Variants in ENOX1 observed in about 807,000 individuals in gnomAD.
The protein encoded by ENOX1 is candidate growth-related and time keeping constitutive hydroquinone (NADH) oxidase.
A neutral mutation model predicts 82.5 loss-of-function variants in ENOX1; 42 were observed. The ratio of observed to expected loss-of-function variants is 0.51; its 90% confidence interval spans 0.40 to 0.66. ENOX1 has a LOEUF of 0.66. Among genes scored for constraint, ENOX1 ranks in the 30% least tolerant of loss-of-function variants. ENOX1 has a pLI of 0.00. For synonymous variants in ENOX1, 271 were observed against 282.2 expected (o/e 0.96, Z 0.40); for missense variants, 608 against 811.6 (o/e 0.75, Z 3.05).
intron 2 of ENOX1, among the ~76,000 whole-genome samples, chr13:43,582,331 A>C (rs2080782694): frequency 6.6e-6 from 1 of 152,164 alleles, no homozygotes; most frequent in Non-Finnish European, 1.5e-5. Flanking sequence ...GAAATAATAA[A>C]AACTAAATTA....
chr13:43,480,149 G>A (rs1453902617), intron 3 of ENOX1, among the ~76,000 whole-genome samples: 1 of 152,056 alleles, frequency 6.6e-6, no homozygotes, highest in East Asian at 1.9e-4. Flanking sequence ...ATGTTGGCCA[G>A]GCTGGCCTTG....
chr13:43,354,793 CT>C (rs1247649470), intron 8 of ENOX1, among the ~76,000 whole-genome samples: 1 of 152,216 alleles, frequency 6.6e-6, no homozygotes, highest in Admixed American at 6.5e-5. Context: ...TTCCTTTCTG[CT>C]TCTGTGGGTT....
intron 1 of ENOX1, among the ~76,000 whole-genome samples, chr13:43,670,284 T>C (rs778922937): frequency 6.6e-6 from 1 of 152,200 alleles, no homozygotes; most frequent in Non-Finnish European, 1.5e-5. Flanking sequence ...CAGAGTAGGC[T>C]GTGATATGGC....
rs563499317 is a variant in ENOX1, at chr13:43,427,658, A to G, written c.-74-14670T>C. ...ATGTAGCACTGTGCTTGATACCAAG[A>G]ACGTAATAGTGAACAAGACATAGAC... On this transcript the variant is annotated intron_variant, in intron 3 of 16. Coordinates refer to ENST00000690772, the MANE Select transcript of ENOX1 (RefSeq NM_001347969.2). Among the ~76,000 whole-genome samples, 10 of 152,328 alleles carry G rather than the reference A, an allele frequency of 6.6e-5. No individual in the cohort carries two copies. In the East Asian group the frequency reaches 1.7e-3, roughly 26 times the overall value.
intron 2 of ENOX1, among the ~76,000 whole-genome samples, chr13:43,619,449 T>C (rs988833108): frequency 2.0e-5 from 3 of 152,180 alleles, no homozygotes; most frequent in Admixed American, 2.0e-4. Context: ...CTGAGAATTC[T>C]AATCATAAAG....
At chr13:43,714,467 T>C (rs1378316033) in intron 1 of ENOX1, among the ~76,000 whole-genome samples, 2 of 152,078 alleles carry the variant, frequency 1.3e-5, no homozygotes, top group African/African-American at 2.4e-5. Flanking sequence ...CCTGGGTATC[T>C]TTGTTAACTT....
intron 1 of ENOX1, among the ~76,000 whole-genome samples, chr13:43,710,107 T>C (rs915796496): frequency 6.6e-6 from 1 of 151,942 alleles, no homozygotes; most frequent in African/African-American, 2.4e-5. Context: ...AATATAAACA[T>C]AGTCAATCAC....
intron 2 of ENOX1, among the ~76,000 whole-genome samples, chr13:43,550,108 T>C (rs1048747954): frequency 1.3e-5 from 2 of 152,180 alleles, no homozygotes; most frequent in African/African-American, 4.8e-5. Flanking sequence ...GAGAATCTAA[T>C]GCCTTCGGTG....
At chr13:43,549,451 C>CA (rs1231715860) in intron 2 of ENOX1, among the ~76,000 whole-genome samples, 2 of 152,046 alleles carry the variant, frequency 1.3e-5, no homozygotes, top group Admixed American at 6.5e-5. Context: ...CTCTATTCAA[C>CA]AAAAAAACGA....
At chr13:43,502,241 A>G (rs1268082848) in intron 2 of ENOX1, among the ~76,000 whole-genome samples, 1 of 151,654 alleles carries the variant, frequency 6.6e-6, no homozygotes. Context: ...AAAACCACCT[A>G]CTAAGTAAAA....
chr13:43,499,180 C>G (rs1178463908), intron 2 of ENOX1, among the ~76,000 whole-genome samples: 1 of 151,528 alleles, frequency 6.6e-6, no homozygotes, highest in Non-Finnish European at 1.5e-5. Context: ...TCAAGGAAAA[C>G]CTAAAACTGT....
intron 11 of ENOX1, among the ~76,000 whole-genome samples, chr13:43,313,615 C>T (rs2047329697): frequency 6.6e-6 from 1 of 152,068 alleles, no homozygotes; most frequent in South Asian, 2.1e-4. Context: ...TGTAATTACA[C>T]CATCTGGTGA....
intron 3 of ENOX1, among the ~76,000 whole-genome samples, chr13:43,449,331 C>T (rs933544566): frequency 2.0e-5 from 3 of 152,160 alleles, no homozygotes; most frequent in Admixed American, 6.5e-5. Flanking sequence ...TTTCAGGGGA[C>T]ATTGTGATTT....
At chr13:43,499,291 G>A (rs1297313155) in intron 2 of ENOX1, among the ~76,000 whole-genome samples, 18 of 151,868 alleles carry the variant, frequency 1.2e-4, no homozygotes, top group Admixed American at 1.1e-3. Flanking sequence ...TAAAAAAAGA[G>A]TAAAGTATAG....
intron 8 of ENOX1, among the ~76,000 whole-genome samples, chr13:43,353,271 G>C (rs2049928453): frequency 6.6e-6 from 1 of 152,210 alleles, no homozygotes; most frequent in Non-Finnish European, 1.5e-5. Context: ...ACAGGACATG[G>C]AGAGGGCCTT....
At chr13:43,589,292 G>A (rs567924540) in intron 2 of ENOX1, among the ~76,000 whole-genome samples, 6 of 149,168 alleles carry the variant, frequency 4.0e-5, no homozygotes, top group South Asian at 2.1e-4. Flanking sequence ...TAAATTCAAC[G>A]GGTACTAGAA....
At chr13:43,290,945 T>C (rs181973453) in intron 12 of ENOX1, among the ~76,000 whole-genome samples, 1 of 152,248 alleles carries the variant, frequency 6.6e-6, no homozygotes, top group East Asian at 1.9e-4. Flanking sequence ...GAGAATCACC[T>C]GAACCTGGGA....
chr13:43,521,598 C>A lies in ENOX1; in HGVS notation c.-218-37446G>T, dbSNP rs115243539. ...TTACTGAGCCCTATAAGACCACTCT[C>A]ATGTCCTTCCCCCTAAAAAGTAAGA... On this transcript the variant is annotated intron_variant, in intron 2 of 16. Coordinates refer to ENST00000690772, the MANE Select transcript of ENOX1 (RefSeq NM_001347969.2). 1.3e-3 allele frequency among the ~76,000 whole-genome samples: 191 copies of A among 152,306 alleles called. 1 individual carries two copies. The Middle Eastern group carries it at 0.024, about 19-fold the overall frequency.
chr13:43,644,905 A>G (rs1397618724), intron 2 of ENOX1, among the ~76,000 whole-genome samples: 1 of 152,152 alleles, frequency 6.6e-6, no homozygotes, highest in Admixed American at 6.6e-5. Context: ...TAAAAAACAT[A>G]TCTGGGTTTT....
Sources: allele counts gnomAD v4.1 joint callset (sites outside exome capture counted in the v4.1 genomes callset), GRCh38; gene constraint gnomAD v4.1.1; transcripts MANE v1.5; gene names NCBI Gene and HGNC (gene_info 2026-07-23, HGNC 2026-07-21).